Variants in PRPF39 observed in about 807,000 individuals in gnomAD.
The protein encoded by PRPF39 is pre-mRNA-processing factor 39.
A neutral mutation model predicts 82.1 loss-of-function variants in PRPF39; 27 were observed. The observed-to-expected ratio is 0.33, with a 90% CI of 0.24 to 0.45. The LOEUF is 0.45. Ranked by LOEUF, PRPF39 falls within the 20% of genes least tolerant of loss-of-function variation. The probability of loss-of-function intolerance (pLI) is 1.00; values close to 1 mark genes in which losing one functional copy is unlikely to be tolerated. For missense variants in PRPF39, 581 were observed against 796.9 expected, an observed-to-expected ratio of 0.73 and a Z score of 3.26; for synonymous variants, 261 against 256.4, an observed-to-expected ratio of 1.02 and a Z score of -0.17.
At chr14:45,091,525 A>G (rs1224899956) in intron 1 of PRPF39, among the ~76,000 whole-genome samples, 2 of 152,228 alleles carry the variant, frequency 1.3e-5, no homozygotes, top group African/African-American at 4.8e-5. Context: ...ACATAGACAC[A>G]TGACCCCGAA....
At chr14:45,092,600 C>CA (rs775755309) in intron 1 of PRPF39, among the ~76,000 whole-genome samples, 3,192 of 48,102 alleles carry the variant, frequency 0.066, 198 homozygotes, top group African/African-American at 0.15. Context: ...GACTCTGTCT[C>CA]AAAAAAAAAA....
At chr14:45,087,100 G>A (rs1455785872) in intron 1 of PRPF39, among the ~76,000 whole-genome samples, 1 of 151,958 alleles carries the variant, frequency 6.6e-6, no homozygotes, top group African/African-American at 2.4e-5. Flanking sequence ...GGAAAGAAGG[G>A]GATAGTTAAT....
At chr14:45,106,770 T>C (rs1884546328) in intron 5 of PRPF39, among the ~76,000 whole-genome samples, 1 of 151,870 alleles carries the variant, frequency 6.6e-6, no homozygotes, top group African/African-American at 2.4e-5. Context: ...AAATGGAGAG[T>C]GGAATACTTG....
intron 6 of PRPF39, among the ~76,000 whole-genome samples, chr14:45,108,172 G>A (rs1379795868): frequency 6.6e-6 from 1 of 152,062 alleles, no homozygotes; most frequent in Admixed American, 6.6e-5. Flanking sequence ...ATTTTGCCTA[G>A]GTTGTGTATC....
chr14:45,102,549 T>G lies in PRPF39; in HGVS notation c.590T>G (p.Leu197Arg). ...TIRGTFEHAV[L>R]AAGTDFRSDR... The stretch of plus-strand genomic sequence containing the variant: ...TTCAGAACTTTTGAGCATGCTGTTC[T>G]AGCTGCAGGAACAGATTTCCGTTCT... Residue 197 changes from leucine to arginine, a missense_variant, in exon 5 of 14, where the codon CTA becomes CGA. Transcript: ENST00000355765. 2 of 1,608,888 alleles carry G rather than the reference T, an allele frequency of 1.2e-6. No individual in the cohort carries two copies. The highest frequency in any genetic ancestry group is 8.5e-7 in the Non-Finnish European group (1 of 1,178,142).
At position 45,115,071 on chromosome 14, in the gene PRPF39, A is replaced by G. The variant is rs182075083; in HGVS notation, c.*158A>G. 50 of 487,462 alleles carry G rather than the reference A, an allele frequency of 1.0e-4. No homozygotes were observed. In the East Asian group the frequency reaches 1.5e-3, roughly 15 times the overall value. The allele number at this position is 487,462 out of a possible 1,614,324, so 30.2% of individuals were successfully genotyped here. ...GTTTAGTAATAGGGGGAAAATGTCA[A>G]TTAGTAGCTTACCACAGATACTGTT... On this transcript the variant is annotated 3_prime_UTR_variant, in exon 14 of 14. Coordinates refer to ENST00000355765, the MANE Select transcript of PRPF39 (RefSeq NM_017922.4).
Position 45,102,712 on chromosome 14 carries a change from T to C in PRPF39, c.737+16T>C. On this transcript the variant is annotated intron_variant, in intron 5 of 13. Transcript: ENST00000355765. The stretch of plus-strand genomic sequence containing the variant: ...ATTTTCAGAGGTAGGTGGGAAATTC[T>C]GATCATTGAAACATCTTTGATTACT... 1 of 1,567,388 alleles carries C rather than the reference T, an allele frequency of 6.4e-7. No individual in the cohort carries two copies. Among genetic ancestry groups the C allele is most frequent in the Non-Finnish European group, 8.7e-7 (1 of 1,153,256 alleles).
chr14:45,096,318 G>GT, intron 3 of PRPF39, 90 bp downstream of exon 3: 1 of 1,292,430 alleles, frequency 7.7e-7, no homozygotes, highest in East Asian at 3.0e-5. Context: ...TTTTTTTTTG[G>GT]CTGGCAGTAC....
chr14:45,090,332 A>G (rs1405467008), intron 1 of PRPF39, among the ~76,000 whole-genome samples: 1 of 152,222 alleles, frequency 6.6e-6, no homozygotes, highest in Non-Finnish European at 1.5e-5. Context: ...TTTTTCTGGT[A>G]GTCTACTACT....
chr14:45,101,614 C>T (rs1383291511), intron 4 of PRPF39, among the ~76,000 whole-genome samples: 1 of 151,782 alleles, frequency 6.6e-6, no homozygotes, highest in Admixed American at 6.6e-5. Context: ...TACAGATGTG[C>T]ACCACAACGC....
At chr14:45,111,012 C>A (rs1884680387) in intron 10 of PRPF39, 195 bp downstream of exon 10, 1 of 565,880 alleles carries the variant, frequency 1.8e-6, no homozygotes, top group Non-Finnish European at 3.1e-6. Flanking sequence ...AAGTTTTAGA[C>A]ATTAAGATTA....
chr14:45,085,207 C>T (rs1283443350), intron 1 of PRPF39, among the ~76,000 whole-genome samples: 1 of 152,132 alleles, frequency 6.6e-6, no homozygotes, highest in Non-Finnish European at 1.5e-5. Context: ...TTCCTCCTCC[C>T]TCTAGATTTA....
At chr14:45,105,860 T>C (rs1423195942) in intron 5 of PRPF39, among the ~76,000 whole-genome samples, 1 of 151,938 alleles carries the variant, frequency 6.6e-6, no homozygotes, top group African/African-American at 2.4e-5. Flanking sequence ...CTGATAGTAG[T>C]ATAGAGGTGG....
Position 45,095,361 on chromosome 14 carries a change from TG to T in PRPF39, c.124del (p.Glu42AsnfsTer10). 1 of 1,613,968 alleles carries T rather than the reference TG, an allele frequency of 6.2e-7. No homozygotes were observed. The highest frequency in any genetic ancestry group is 8.5e-7 in the Non-Finnish European group (1 of 1,179,860). Reference sequence around the variant, plus strand: ...ACTGAGATTATGAACGTTACAGAAATGGAACAGTCACCTGATGACTCTCCCA... The same window carrying T: ...ACTGAGATTATGAACGTTACAGAAATGAACAGTCACCTGATGACTCTCCCA... ...FSTEIMNVTE[M>X]EQSPDDSPNV... On this transcript the variant is annotated frameshift_variant, in exon 2 of 14. Coordinates refer to ENST00000355765, the MANE Select transcript of PRPF39 (RefSeq NM_017922.4). LOFTEE classifies it high-confidence loss of function.
intron 10 of PRPF39, among the ~76,000 whole-genome samples, chr14:45,111,244 GTA>G (rs1472737136): frequency 2.0e-5 from 3 of 152,142 alleles, no homozygotes; most frequent in Non-Finnish European, 4.4e-5. Flanking sequence ...AAAAGGCAGT[GTA>G]TAGGTAATAG....
intron 13 of PRPF39, 80 bp downstream of exon 13, chr14:45,114,694 G>A (rs1884789500): frequency 6.6e-7 from 1 of 1,504,918 alleles, no homozygotes; most frequent in Non-Finnish European, 9.0e-7. Flanking sequence ...TTTAAAAAAA[G>A]TTTTTGTTCC....
chr14:45,112,317 G>T lies in PRPF39; in HGVS notation c.1573-1G>T. The stretch of plus-strand genomic sequence containing the variant: ...ATTCATTGATGCTGCTTTTTACACA[G>T]GAGAACACAAAGTTATACCTCAATT... On this transcript the variant is annotated splice_acceptor_variant, in intron 10 of 13. Coordinates refer to ENST00000355765, the MANE Select transcript of PRPF39 (RefSeq NM_017922.4). LOFTEE classifies it high-confidence loss of function. The T allele has an allele frequency of 6.4e-7, 1 of 1,552,626 alleles. No individual in the cohort carries two copies.
At chr14:45,089,857 A>G (rs1401417600) in intron 1 of PRPF39, among the ~76,000 whole-genome samples, 1 of 152,236 alleles carries the variant, frequency 6.6e-6, no homozygotes, top group African/African-American at 2.4e-5. Flanking sequence ...ACTTTAGTGT[A>G]TTCTTTTGAC....
chr14:45,102,382 T>G (rs1266381837), intron 4 of PRPF39, 147 bp from the exon 5 acceptor site: 2 of 578,426 alleles, frequency 3.5e-6, no homozygotes, highest in Non-Finnish European at 5.6e-6. Context: ...ATGCTTTCTG[T>G]TATTCTGTCT....
Sources: allele counts gnomAD v4.1 joint callset (sites outside exome capture counted in the v4.1 genomes callset), GRCh38; gene constraint gnomAD v4.1.1; transcripts MANE v1.5; gene names NCBI Gene and HGNC (gene_info 2026-07-23, HGNC 2026-07-21).